Variants in MED13 observed in about 807,000 individuals in gnomAD.
MED13 encodes mediator complex subunit 13.
A neutral mutation model predicts 225.2 loss-of-function variants in MED13; 23 were observed. The observed-to-expected ratio is 0.10, with a 90% CI of 0.07 to 0.14. MED13 has a LOEUF of 0.14. MED13 is among the 10% of genes least tolerant of loss of function. The pLI, the probability that MED13 is intolerant of heterozygous loss-of-function variation, is 1.00. For synonymous variants in MED13, 942 were observed against 889.2 expected (o/e 1.06, Z -1.06); for missense variants, 2,197 against 2,594.5 (o/e 0.85, Z 3.33).
rs773485061 is a variant in MED13 at position 62,033,944 on chromosome 17, T to A, written c.657A>T (p.Gly219=). 6.2e-7 allele frequency: 1 copy of A among 1,614,100 alleles called. No individual in the cohort carries two copies. The highest frequency in any genetic ancestry group is 1.1e-5 in the South Asian group (1 of 91,086). The stretch of plus-strand genomic sequence containing the variant: ...CTGAATCAGACATCTTGAATGCCTG[T>A]CCTGTGAGAGTGCCATTTAGTCCAA... ...CPFGLNGTLT[G]QAFKMSDSAT... Residue 219 remains glycine (G), a synonymous_variant, in exon 5 of 30, where the codon GGA becomes GGT. Transcript: ENST00000397786.
chr17:62,063,812 A>G (rs1218346236), intron 1 of MED13, among the ~76,000 whole-genome samples: 1 of 152,256 alleles, frequency 6.6e-6, no homozygotes, highest in African/African-American at 2.4e-5. Context: ...AGCTACTCAC[A>G]AAGAACTGTC....
At chr17:61,968,915 C>T (rs74655346) in intron 17 of MED13, among the ~76,000 whole-genome samples, 1 of 151,900 alleles carries the variant, frequency 6.6e-6, no homozygotes, top group Non-Finnish European at 1.5e-5. Context: ...CTATGCTTAG[C>T]TAATTTTTAA....
At chr17:61,962,613 TATG>T (rs1285642532) in intron 21 of MED13, 136 bp downstream of exon 21, 7 of 621,888 alleles carry the variant, frequency 1.1e-5, no homozygotes, top group Non-Finnish European at 1.6e-5. Context: ...AGATTTATAT[TATG>T]ATATTAAAGT....
chr17:62,041,679 C>T (rs374057725), intron 3 of MED13, among the ~76,000 whole-genome samples: 1 of 152,000 alleles, frequency 6.6e-6, no homozygotes, highest in Non-Finnish European at 1.5e-5. Flanking sequence ...TGAGCTCAAG[C>T]GATTTTCCTG....
intron 2 of MED13, among the ~76,000 whole-genome samples, chr17:62,061,306 T>C (rs1455971822): frequency 6.6e-6 from 1 of 151,866 alleles, no homozygotes; most frequent in Non-Finnish European, 1.5e-5. Context: ...ATCACTAGAG[T>C]TCAGGAGTTC....
At chr17:62,016,274 G>A (rs574225503) in intron 8 of MED13, among the ~76,000 whole-genome samples, 66 of 150,890 alleles carry the variant, frequency 4.4e-4, no homozygotes, top group Non-Finnish European at 8.0e-4. Context: ...ACAGTGCCGC[G>A]ATTAGCGCTC....
chr17:61,970,978 T>C (rs1049813613), intron 17 of MED13, among the ~76,000 whole-genome samples: 4 of 151,878 alleles, frequency 2.6e-5, no homozygotes, highest in Non-Finnish European at 5.9e-5. Flanking sequence ...TGAGCCATGA[T>C]TGTGCCACTG....
At chr17:61,998,596 CTTTTTTTTTTTT>C (rs58261678) in intron 9 of MED13, among the ~76,000 whole-genome samples, 2 of 115,542 alleles carry the variant, frequency 1.7e-5, no homozygotes, top group African/African-American at 7.0e-5. Context: ...TTCCCACCGC[CTTTTTTTTTTTT>C]TTTTTTTTTT....
intron 8 of MED13, 115 bp from the exon 9 acceptor site, chr17:62,011,348 A>G (rs2080507337): frequency 1.1e-6 from 1 of 885,150 alleles, no homozygotes; most frequent in Non-Finnish European, 1.6e-6. Context: ...ATGTAATACT[A>G]AAAGTAAAAT....
In MED13 at chr17:62,011,097, T is replaced by G. The variant is rs2080504162; in HGVS notation, c.1420A>C (p.Thr474Pro). 6.2e-7 allele frequency: 1 copy of G among 1,613,960 alleles called. No individual in the cohort carries two copies. The change falls in exon 9 of 30, where the codon ACT becomes CCT. Residue 474 changes from threonine to proline, a missense_variant. By Grantham distance (38) the Thr-to-Pro change is conservative. This residue lies in a region of MED13 where 884 missense variants were observed against 918.5 expected (regional missense o/e 0.96). Coordinates refer to ENST00000397786, the MANE Select transcript of MED13 (RefSeq NM_005121.3). The stretch of plus-strand genomic sequence containing the variant: ...ACAGACACACGATGGTGAAAAGGAG[T>G]CAAGGGGCGTTTCTGTGGCTTTTCA... Reference protein sequence around the residue: ...KSEKPQKRPLTPFHHRVSVSD... With the variant: ...KSEKPQKRPLPPFHHRVSVSD...
At chr17:61,950,093 G>C (rs551878385) in intron 28 of MED13, among the ~76,000 whole-genome samples, 33 of 152,294 alleles carry the variant, frequency 2.2e-4, no homozygotes, top group Non-Finnish European at 3.7e-4. Context: ...TTTCAGTCTT[G>C]AGTCTATTAC....
intron 16 of MED13, among the ~76,000 whole-genome samples, chr17:61,977,224 G>A (rs1015851414): frequency 6.6e-6 from 1 of 151,984 alleles, no homozygotes; most frequent in African/African-American, 2.4e-5. Flanking sequence ...TCCACACTAT[G>A]GAAAAAAAGC....
chr17:62,022,469 CATTTTTT>C, intron 8 of MED13, among the ~76,000 whole-genome samples: 1 of 151,882 alleles, frequency 6.6e-6, no homozygotes, highest in Admixed American at 6.6e-5. Flanking sequence ...ATATTAATAA[CATTTTTT>C]TCATTTTTCT....
In MED13 at chr17:61,987,137, G is replaced by A. The variant is rs1218456921; in HGVS notation, c.2264-9C>T. On this transcript the variant is annotated splice_polypyrimidine_tract_variant and intron_variant, in intron 11 of 29. Transcript: ENST00000397786. Reference sequence around the variant, plus strand: ...AGTAGGGCGTGGAGCATCTACAAAAGTCAATCAGAAAAATAAAATTAAAAC... The same window carrying A: ...AGTAGGGCGTGGAGCATCTACAAAAATCAATCAGAAAAATAAAATTAAAAC... 6.3e-7 allele frequency: 1 copy of A among 1,580,824 alleles called. No homozygotes were observed. Among genetic ancestry groups the A allele is most frequent in the African/African-American group, 1.4e-5 (1 of 72,648 alleles).
At chr17:62,047,655 G>A (rs116893411) in intron 3 of MED13, among the ~76,000 whole-genome samples, 3,868 of 151,940 alleles carry the variant, frequency 0.025, 57 homozygotes, top group Non-Finnish European at 0.035. Flanking sequence ...AAACCACCAC[G>A]GCACTTATGT....
chr17:61,956,611 T>A, intron 23 of MED13, 130 bp from the exon 24 acceptor site: 1 of 808,522 alleles, frequency 1.2e-6, no homozygotes, highest in Non-Finnish European at 1.9e-6. Flanking sequence ...CGATCTCGGC[T>A]CACTGCAACC....
rs567910785 is a variant in MED13, at chr17:62,060,229, G to A, written c.301+2838C>T. Among the ~76,000 whole-genome samples the A allele has an allele frequency of 5.3e-4, 80 of 152,092 alleles. 2 individuals are homozygous for A. The highest frequency in any genetic ancestry group is 4.4e-3 in the East Asian group (23 of 5,176). On this transcript the variant is annotated intron_variant, in intron 2 of 29. Transcript: ENST00000397786. ...AATCGCTTGAACCCAGGAGGTGGAG[G>A]TTGCAGTGAGCTGAGATTGCGCCAC...
Position 62,029,880 on chromosome 17 carries a change from T to C in MED13, c.1143A>G (p.Gln381=), listed in dbSNP as rs1437257126. 1.2e-6 allele frequency: 2 copies of C among 1,612,516 alleles called. No individual in the cohort carries two copies. Among genetic ancestry groups the C allele is most frequent in the Non-Finnish European group, 1.7e-6 (2 of 1,179,618 alleles). The change falls in exon 7 of 30, where the codon CAA becomes CAG. Residue 381 remains glutamine (Q), a synonymous_variant. Transcript: ENST00000397786. ...LANHVVDRVW[Q]ECNMNRAQNK... ...TCTGTGCTCTGTTCATATTGCATTC[T>C]TGCCAAACTCTATCCACCACATGAT...
chr17:61,995,079 G>T (rs1258726228), intron 10 of MED13, 73 bp downstream of exon 10: 2 of 958,720 alleles, frequency 2.1e-6, no homozygotes, highest in Non-Finnish European at 3.2e-6. Flanking sequence ...GATAACTGTG[G>T]TAGTAAGAGT....
Sources: allele counts gnomAD v4.1 joint callset (sites outside exome capture counted in the v4.1 genomes callset), GRCh38; gene constraint gnomAD v4.1.1; regional missense constraint gnomAD v4.1.1; transcripts MANE v1.5; gene names NCBI Gene and HGNC (gene_info 2026-07-23, HGNC 2026-07-21).